LPIN2: variants seen among roughly 807,000 people sequenced by gnomAD.
LPIN2 encodes phosphatidate phosphatase LPIN2.
LPIN2 carries 55 observed loss-of-function variants against 111.4 expected under a neutral mutation model. That is an observed-to-expected ratio of 0.49 (90% confidence interval 0.40 to 0.62). The LOEUF is 0.62. LPIN2 is among the 20% of genes least tolerant of loss of function. LPIN2 has a pLI of 0.00. For missense variants in LPIN2, 992 were observed against 1,112.1 expected (o/e 0.89, Z 1.54); for synonymous variants, 425 against 414.0 (o/e 1.03, Z -0.32).
intron 3 of LPIN2, 59 bp downstream of exon 3, chr18:2,954,445 G>C: frequency 2.5e-6 from 3 of 1,220,206 alleles, no homozygotes; most frequent in Non-Finnish European, 2.4e-6. Context: ...GTCCGTCTGG[G>C]CCACGTACCA....
At chr18:2,962,360 A>C (rs1419374010) in intron 1 of LPIN2, among the ~76,000 whole-genome samples, 1 of 152,230 alleles carries the variant, frequency 6.6e-6, no homozygotes, top group Non-Finnish European at 1.5e-5. Context: ...AAATAAGATG[A>C]CATCCTTTAT....
chr18:2,921,273 C>G, intron 18 of LPIN2: 1 of 580,660 alleles, frequency 1.7e-6, no homozygotes, highest in South Asian at 2.0e-5. Flanking sequence ...GGAGCCGGAG[C>G]TGCCTGAGGA....
At chr18:3,002,361 A>G (rs1182387628) in intron 1 of LPIN2, among the ~76,000 whole-genome samples, 2 of 152,148 alleles carry the variant, frequency 1.3e-5, no homozygotes, top group Non-Finnish European at 2.9e-5. Context: ...GTCCATTCTA[A>G]TGAAAATCAA....
chr18:2,922,249 GAAAACAA>G (rs759693165), intron 16 of LPIN2, 50 bp from the exon 17 acceptor site: 97 of 1,556,462 alleles, frequency 6.2e-5, no homozygotes, highest in Admixed American at 7.5e-5. Flanking sequence ...TAAGGGAAAA[GAAAACAA>G]AAAACAAAAA....
chr18:2,926,424 G>A (rs968919990), intron 13 of LPIN2, among the ~76,000 whole-genome samples: 22 of 152,172 alleles, frequency 1.4e-4, no homozygotes, highest in Admixed American at 5.2e-4. Flanking sequence ...CTTTGGCTCC[G>A]GATGGGATGC....
chr18:2,975,752 A>G lies in LPIN2; in HGVS notation c.-9-14903T>C, dbSNP rs1177391306. ...AAACCTATTTTGGTGGCGACTATTGATAACCATAAGCAACTCTAAAATAAG... is the reference window on the plus strand; with the variant it reads ...AAACCTATTTTGGTGGCGACTATTGGTAACCATAAGCAACTCTAAAATAAG... On this transcript the variant is annotated intron_variant, in intron 1 of 19. Transcript: ENST00000677752. Among the ~76,000 whole-genome samples, 3 of 152,356 alleles carry G rather than the reference A, an allele frequency of 2.0e-5. No individual in the cohort carries two copies. In the East Asian group the frequency reaches 5.8e-4, roughly 29 times the overall value.
chr18:2,963,203 T>C (rs1278665872), intron 1 of LPIN2, among the ~76,000 whole-genome samples: 7 of 152,210 alleles, frequency 4.6e-5, no homozygotes. Flanking sequence ...TGAGCAGCTG[T>C]CTGCTAGAAG....
chr18:3,011,056 T>C (rs1049795375), intron 1 of LPIN2, among the ~76,000 whole-genome samples: 1 of 152,072 alleles, frequency 6.6e-6, no homozygotes, highest in African/African-American at 2.4e-5. Context: ...CAAAGCCGGC[T>C]ATGTGCTTGG....
At chr18:2,929,483 C>G (rs1299848246) in intron 9 of LPIN2, among the ~76,000 whole-genome samples, 1 of 152,124 alleles carries the variant, frequency 6.6e-6, no homozygotes, top group Non-Finnish European at 1.5e-5. Context: ...CAGACAGACA[C>G]ACACACACGA....
intron 16 of LPIN2, among the ~76,000 whole-genome samples, chr18:2,922,741 G>GT (rs1317860611): frequency 2.0e-5 from 3 of 152,198 alleles, no homozygotes; most frequent in Non-Finnish European, 4.4e-5. Flanking sequence ...TGTTAAGTTT[G>GT]TAAGTACTGA....
intron 4 of LPIN2, chr18:2,945,472 G>C (rs1322562929): frequency 1.3e-6 from 1 of 767,096 alleles, no homozygotes; most frequent in Non-Finnish European, 2.2e-6. Flanking sequence ...AACAAAAGAT[G>C]ACAGCAGCAA....
intron 1 of LPIN2, among the ~76,000 whole-genome samples, chr18:2,975,591 C>T (rs2077999586): frequency 6.6e-6 from 1 of 152,194 alleles, no homozygotes; most frequent in Non-Finnish European, 1.5e-5. Context: ...ACCTCTGCCT[C>T]CCAAAGTGCT....
intron 1 of LPIN2, among the ~76,000 whole-genome samples, chr18:2,989,544 C>A (rs2078233042): frequency 6.6e-6 from 1 of 152,174 alleles, no homozygotes; most frequent in Non-Finnish European, 1.5e-5. Flanking sequence ...TATGGAGTTA[C>A]AAGGGGCCCT....
intron 1 of LPIN2, among the ~76,000 whole-genome samples, chr18:3,012,613 C>T (rs568612337): frequency 1.6e-3 from 248 of 152,340 alleles, no homozygotes; most frequent in African/African-American, 5.3e-3. Flanking sequence ...CCCGCCTCGC[C>T]GCAGATCACG....
chr18:2,988,825 A>C (rs1472956751), intron 1 of LPIN2, among the ~76,000 whole-genome samples: 1 of 152,234 alleles, frequency 6.6e-6, no homozygotes, highest in Non-Finnish European at 1.5e-5. Flanking sequence ...AACAAGTGTG[A>C]CATTTCATTT....
chr18:2,955,356 G>A lies in LPIN2; in HGVS notation c.193-757C>T, dbSNP rs189224357. Among the ~76,000 whole-genome samples the A allele has an allele frequency of 5.9e-5, 9 of 152,192 alleles. No homozygotes were observed. In the East Asian group the frequency reaches 1.2e-3, roughly 20 times the overall value. On this transcript the variant is annotated intron_variant, in intron 2 of 19. Transcript: ENST00000677752. ...TGAAAGGCGAAGTGGGGGCAGACAC[G>A]TCACATAGTGAGAGCAGGTGCAAGA...
intron 3 of LPIN2, among the ~76,000 whole-genome samples, chr18:2,952,633 T>C (rs1357561878): frequency 6.6e-6 from 1 of 152,154 alleles, no homozygotes; most frequent in Non-Finnish European, 1.5e-5. Flanking sequence ...GAAATTGTAA[T>C]AAGATATTCT....
chr18:2,948,169 A>T (rs1258055085), intron 4 of LPIN2: 4 of 152,178 alleles, frequency 2.6e-5, no homozygotes, highest in South Asian at 2.1e-4. Flanking sequence ...TTCATGGAAG[A>T]GCTCCTCCAG....
intron 1 of LPIN2, among the ~76,000 whole-genome samples, chr18:3,006,894 G>A (rs1481827249): frequency 1.3e-5 from 2 of 152,016 alleles, no homozygotes; most frequent in East Asian, 3.9e-4. Flanking sequence ...CAGCTACTGG[G>A]GAGGCTGAGG....
Sources: allele counts gnomAD v4.1 joint callset (sites outside exome capture counted in the v4.1 genomes callset), GRCh38; gene constraint gnomAD v4.1.1; transcripts MANE v1.5; gene names NCBI Gene and HGNC (gene_info 2026-07-23, HGNC 2026-07-21).